USP36: variants seen among roughly 807,000 people sequenced by gnomAD.
The protein encoded by USP36 is ubiquitin specific peptidase 36, also known as ubiquitin carboxyl-terminal hydrolase 36.
USP36 carries 59 observed loss-of-function variants against 111.5 expected under a neutral mutation model. That is an observed-to-expected ratio of 0.53 (90% CI 0.43 to 0.66). The LOEUF (loss-of-function observed/expected upper bound fraction) is 0.66. Among genes scored for constraint, USP36 ranks in the 30% least tolerant of loss-of-function variants. USP36 has a pLI of 0.00. For missense variants in USP36, 1,488 were observed against 1,468.0 expected (o/e 1.01, Z -0.22); for synonymous variants, 628 against 581.0 (o/e 1.08, Z -1.16).
At chr17:78,808,952 C>T (rs2093983852) in intron 13 of USP36, among the ~76,000 whole-genome samples, 1 of 152,118 alleles carries the variant, frequency 6.6e-6, no homozygotes, top group South Asian at 2.1e-4. Flanking sequence ...AATGAAATTA[C>T]AGATTTCATT....
chr17:78,808,924 C>T (rs2093982937), intron 13 of USP36, among the ~76,000 whole-genome samples: 1 of 152,084 alleles, frequency 6.6e-6, no homozygotes, highest in Non-Finnish European at 1.5e-5. Flanking sequence ...AATGGAATTA[C>T]AAGGCTAATT....
chr17:78,805,540 C>G (rs572184331), intron 15 of USP36, among the ~76,000 whole-genome samples: 52 of 152,268 alleles, frequency 3.4e-4, no homozygotes, highest in Admixed American at 3.3e-4. Context: ...CTGCTTCCGT[C>G]CCCACTCCCA....
chr17:78,794,352 C>A (rs908314124), downstream of USP36, among the ~76,000 whole-genome samples: 5 of 152,202 alleles, frequency 3.3e-5, no homozygotes, highest in African/African-American at 7.2e-5. Context: ...ACCTGCCCTG[C>A]GCTTTTGCAC....
intron 2 of USP36, among the ~76,000 whole-genome samples, chr17:78,836,926 C>T (rs1286189854): frequency 1.3e-5 from 2 of 152,084 alleles, no homozygotes; most frequent in African/African-American, 4.8e-5. Flanking sequence ...GGCCACAGGC[C>T]ACACGTGGCT....
In USP36 at chr17:78,807,417, G is replaced by T. The variant is rs779426655; in HGVS notation, c.1627C>A (p.Gln543Lys). The T allele has an allele frequency of 3.7e-6, 6 of 1,614,214 alleles. No homozygotes were observed. In the South Asian group the frequency reaches 6.6e-5, roughly 18 times the overall value. ...GKKVKKPAPP[Q>K]HFSPRTAQGL... ...TGAGCAGTTCTGGGGGAAAAGTGCT[G>T]TGGAGGAGCTGGCTTCTTCACCTTC... The change falls in exon 14 of 21, where the codon CAG becomes AAG. Residue 543 changes from glutamine to lysine, a missense_variant. By Grantham distance (53) the Gln-to-Lys change is moderately conservative (BLOSUM62 1). Transcript: ENST00000449938.
At chr17:78,808,896 C>G (rs757820844) in intron 13 of USP36, among the ~76,000 whole-genome samples, 2 of 151,910 alleles carry the variant, frequency 1.3e-5, no homozygotes, top group Non-Finnish European at 2.9e-5. Flanking sequence ...ACTTAGTACT[C>G]CATGCTAATT....
intron 4 of USP36, among the ~76,000 whole-genome samples, chr17:78,831,775 C>T (rs372695693): frequency 1.0e-3 from 154 of 151,828 alleles, no homozygotes; most frequent in Middle Eastern, 3.4e-3. Flanking sequence ...AACCAAATCT[C>T]TACCCAAAGA....
chr17:78,816,275 TC>T (rs2094187203), intron 10 of USP36, among the ~76,000 whole-genome samples: 1 of 151,738 alleles, frequency 6.6e-6, no homozygotes, highest in African/African-American at 2.4e-5. Context: ...TCCTCCTATC[TC>T]TACCTCCCAA....
At chr17:78,800,476 G>C (rs1339603695) in intron 17 of USP36, among the ~76,000 whole-genome samples, 1 of 152,216 alleles carries the variant, frequency 6.6e-6, no homozygotes, top group African/African-American at 2.4e-5. Context: ...TGCCCAGCTA[G>C]CCACATAGCC....
intron 7 of USP36, chr17:78,821,307 G>A (rs1057485041): frequency 1.3e-5 from 5 of 395,766 alleles, no homozygotes; most frequent in African/African-American, 2.1e-5. Flanking sequence ...TGACCACCAC[G>A]TGCGGTACTC....
At chr17:78,801,958 G>T (rs1035449469) in intron 17 of USP36, among the ~76,000 whole-genome samples, 1 of 152,120 alleles carries the variant, frequency 6.6e-6, no homozygotes, top group African/African-American at 2.4e-5. Context: ...ACTCGGGGGT[G>T]GGGGGTGAAG....
At chr17:78,819,326 A>G (rs1414008842) in intron 9 of USP36, among the ~76,000 whole-genome samples, 2 of 152,208 alleles carry the variant, frequency 1.3e-5, no homozygotes, top group Non-Finnish European at 2.9e-5. Context: ...TGATCCCAGC[A>G]CTTTGGGAGG....
chr17:78,794,851 A>G (rs147479636), downstream of USP36, among the ~76,000 whole-genome samples: 635 of 152,032 alleles, frequency 4.2e-3, 6 homozygotes, highest in African/African-American at 0.014. Flanking sequence ...TACTAAAAAT[A>G]CAAAAATTAG....
intron 10 of USP36, among the ~76,000 whole-genome samples, chr17:78,815,636 A>C (rs1467354833): frequency 6.6e-6 from 1 of 152,266 alleles, no homozygotes; most frequent in African/African-American, 2.4e-5. Flanking sequence ...TACCGCAAGT[A>C]AGACTTTTAA....
Position 78,802,523 on chromosome 17 carries a change from C to A in USP36, c.2823G>T (p.Met941Ile). Residue 941 changes from methionine (M) to isoleucine (I), a missense_variant, in exon 17 of 21, where the codon ATG becomes ATT. Physicochemically the swap from Met to Ile is conservative, Grantham distance 10 (BLOSUM62 1). Around this residue, in one of 3 missense-constraint regions of USP36, gnomAD observed 1,073 missense variants for 994.1 expected, o/e 1.08. Coordinates refer to ENST00000449938, the MANE Select transcript of USP36 (RefSeq NM_001385174.1). ...CCATGGCCTCTGGATCACCATCACC[C>A]ATGGGAGAGCAGCTGCTTGGAAGTG... ...QDPLRHSCSP[M>I]GDGDPEAMEE... 6.2e-7 allele frequency: 1 copy of A among 1,605,500 alleles called. No homozygotes were observed. The highest frequency in any genetic ancestry group is 2.2e-5 in the East Asian group (1 of 44,868).
chr17:78,815,883 A>G (rs1452996627), intron 10 of USP36, among the ~76,000 whole-genome samples: 1 of 152,132 alleles, frequency 6.6e-6, no homozygotes, highest in Non-Finnish European at 1.5e-5. Context: ...ATATACATAC[A>G]TGCACAACAC....
intron 13 of USP36, among the ~76,000 whole-genome samples, chr17:78,811,573 T>C (rs563515862): frequency 1.0e-3 from 159 of 152,164 alleles, no homozygotes; most frequent in African/African-American, 3.6e-3. Context: ...ATTTTCCCCG[T>C]TAAATGTGAG....
At position 78,818,690 on chromosome 17, in the gene USP36, A is replaced by AGTT; in HGVS notation, c.997_999dup (p.Asn333dup). The AGTT allele has an allele frequency of 6.2e-7, 1 of 1,613,936 alleles. No individual in the cohort carries two copies. Among genetic ancestry groups the AGTT allele is most frequent in the Non-Finnish European group, 8.5e-7 (1 of 1,179,848 alleles). ...ACCTTGGTGATCTTCCCCCCGCTGAAGTTGGCAAAGCGCTTGAGGGAAAGG... is the reference window on the plus strand; with the variant it reads ...ACCTTGGTGATCTTCCCCCCGCTGAAGTTGTTGGCAAAGCGCTTGAGGGAAAGG... On this transcript the variant is annotated inframe_insertion, in exon 10 of 21. Coordinates refer to ENST00000449938, the MANE Select transcript of USP36 (RefSeq NM_001385174.1).
intron 13 of USP36, among the ~76,000 whole-genome samples, chr17:78,812,237 C>A (rs1412872740): frequency 2.6e-5 from 4 of 152,060 alleles, no homozygotes; most frequent in African/African-American, 9.7e-5. Context: ...GGAGTGCACA[C>A]AGAAAGTTTG....
Sources: gnomAD v4.1 joint callset for allele counts (sites outside exome capture counted in the v4.1 genomes callset) on GRCh38, gnomAD v4.1.1 for gene constraint, gnomAD v4.1.1 regional missense constraint, MANE v1.5 for transcripts, NCBI Gene and HGNC (gene_info 2026-07-23, HGNC 2026-07-21) for gene names.